ITPR2: variants seen among roughly 807,000 people sequenced by gnomAD.
The protein encoded by ITPR2 is inositol 1,4,5-trisphosphate-gated calcium channel ITPR2.
ITPR2 carries 207 observed loss-of-function variants against 317.1 expected under a neutral mutation model. The ratio of observed to expected loss-of-function variants is 0.65; its 90% confidence interval spans 0.58 to 0.73. The LOEUF is 0.73. Among genes scored for constraint, ITPR2 ranks in the 30% least tolerant of loss-of-function variants. The pLI is 0.00. For synonymous variants in ITPR2, 1,156 were observed against 1,149.1 expected, an observed-to-expected ratio of 1.01 and a Z score of -0.12; for missense variants, 2,613 against 3,284.0, an observed-to-expected ratio of 0.80 and a Z score of 4.99.
chr12:26,695,689 G>A, intron 9 of ITPR2, 39 bp from the exon 10 acceptor site: 1 of 1,369,866 alleles, frequency 7.3e-7, no homozygotes, highest in Non-Finnish European at 1.0e-6. Flanking sequence ...TCATTGCTAT[G>A]AAAAGCACAC....
chr12:26,749,527 C>A (rs748621340), intron 2 of ITPR2, among the ~76,000 whole-genome samples: 1 of 152,018 alleles, frequency 6.6e-6, no homozygotes, highest in Non-Finnish European at 1.5e-5. Context: ...ACATTGTTTT[C>A]GAGTATTGTG....
intron 1 of ITPR2, among the ~76,000 whole-genome samples, chr12:26,805,095 T>G (rs948791134): frequency 2.3e-4 from 35 of 152,286 alleles, no homozygotes; most frequent in Admixed American, 1.8e-3. Flanking sequence ...AAATAAAAAT[T>G]CGTAAAGAGA....
At chr12:26,595,735 C>A (rs1350086039) in intron 31 of ITPR2, 145 bp from the exon 32 acceptor site, 1 of 704,152 alleles carries the variant, frequency 1.4e-6, no homozygotes, top group Non-Finnish European at 2.2e-6. Flanking sequence ...ATTCTCATTT[C>A]TCTTCTTTTG....
At chr12:26,600,923 T>C (rs1369089314) in intron 28 of ITPR2, among the ~76,000 whole-genome samples, 2 of 152,136 alleles carry the variant, frequency 1.3e-5, no homozygotes, top group East Asian at 3.8e-4. Flanking sequence ...CCTATTTCTT[T>C]TTCTTTTCCT....
intron 2 of ITPR2, among the ~76,000 whole-genome samples, chr12:26,782,794 A>T (rs764434798): frequency 3.9e-5 from 6 of 152,238 alleles, no homozygotes; most frequent in Non-Finnish European, 8.8e-5. Context: ...ATCTTAGTTG[A>T]TTTCAAATCT....
intron 34 of ITPR2, among the ~76,000 whole-genome samples, chr12:26,565,533 G>C (rs1272740451): frequency 6.6e-6 from 1 of 151,930 alleles, no homozygotes; most frequent in Non-Finnish European, 1.5e-5. Context: ...TAGATAGACA[G>C]ACAGACAGAT....
At position 26,631,869 on chromosome 12, in the gene ITPR2, C is replaced by CA; in HGVS notation, c.2930dup (p.Leu977PhefsTer12). On this transcript the variant is annotated frameshift_variant, in exon 22 of 57. Coordinates refer to ENST00000381340, the MANE Select transcript of ITPR2 (RefSeq NM_002223.4). LOFTEE classifies it high-confidence loss of function. ...TAGCTTCTGTTAGGCAACACACCTG[C>CA]AAAATCTCAATGATCTTCAGCTTGG... 3 of 1,613,634 alleles carry CA rather than the reference C, an allele frequency of 1.9e-6. No homozygotes were observed. Among genetic ancestry groups the CA allele is most frequent in the Non-Finnish European group, 2.5e-6 (3 of 1,179,798 alleles).
chr12:26,428,360 C>T (rs2136703857), intron 48 of ITPR2, among the ~76,000 whole-genome samples: 1 of 152,240 alleles, frequency 6.6e-6, no homozygotes, highest in Admixed American at 6.5e-5. Flanking sequence ...GTTCATCTTT[C>T]TGTCATATGA....
intron 13 of ITPR2, among the ~76,000 whole-genome samples, chr12:26,678,826 T>A (rs1947968808): frequency 6.6e-6 from 1 of 152,202 alleles, no homozygotes; most frequent in African/African-American, 2.4e-5. Context: ...CTTGAGAGGT[T>A]AAGATAATCT....
At chr12:26,628,286 A>G in intron 22 of ITPR2, 124 bp from the exon 23 acceptor site, 1 of 636,762 alleles carries the variant, frequency 1.6e-6, no homozygotes, top group Non-Finnish European at 2.6e-6. Context: ...AGAAGCTTTT[A>G]ACACCAGTTG....
chr12:26,648,506 CTT>C (rs1238930652), intron 21 of ITPR2, among the ~76,000 whole-genome samples: 8 of 138,248 alleles, frequency 5.8e-5, no homozygotes, highest in Admixed American at 5.2e-4. Flanking sequence ...TATAAAACCA[CTT>C]TCTTTTTTTT....
chr12:26,685,550 T>G (rs1948109454), intron 11 of ITPR2, among the ~76,000 whole-genome samples: 1 of 152,186 alleles, frequency 6.6e-6, no homozygotes, highest in Admixed American at 6.5e-5. Context: ...TGAGCCATGA[T>G]TGTGCCTCTG....
At chr12:26,666,369 C>T (rs946066827) in intron 13 of ITPR2, among the ~76,000 whole-genome samples, 3 of 152,126 alleles carry the variant, frequency 2.0e-5, no homozygotes, top group African/African-American at 7.2e-5. Context: ...TCTACTTGCG[C>T]CTCCAGTTCT....
chr12:26,428,897 G>C (rs529221161), intron 48 of ITPR2, among the ~76,000 whole-genome samples: 1 of 152,226 alleles, frequency 6.6e-6, no homozygotes, highest in South Asian at 2.1e-4. Context: ...TTCTTGGGCT[G>C]ATTGGATCAG....
chr12:26,610,434 A>G (rs753987923), intron 26 of ITPR2, among the ~76,000 whole-genome samples: 12 of 152,188 alleles, frequency 7.9e-5, no homozygotes, highest in East Asian at 3.8e-4. Flanking sequence ...TCAAAAAGTA[A>G]TGAGATGTGG....
In ITPR2 at chr12:26,415,388, G is replaced by A; in HGVS notation, c.7221C>T (p.Tyr2407=). ...LTAVLALILV[Y]LFSIIGFLFL... ...AAAGGAACCCAATAATGGAAAACAGGTAGACGAGGATGAGAGCCAGGACTG... is the reference window on the plus strand; with the variant it reads ...AAAGGAACCCAATAATGGAAAACAGATAGACGAGGATGAGAGCCAGGACTG... The change falls in exon 51 of 57, where the codon TAC becomes TAT. Residue 2407 remains tyrosine, a synonymous_variant. Coordinates refer to ENST00000381340, the MANE Select transcript of ITPR2 (RefSeq NM_002223.4). 6.2e-7 allele frequency: 1 copy of A among 1,612,944 alleles called. No homozygotes were observed. Among genetic ancestry groups the A allele is most frequent in the Non-Finnish European group, 8.5e-7 (1 of 1,179,330 alleles).
At chr12:26,432,100 A>C (rs750082422) in intron 48 of ITPR2, among the ~76,000 whole-genome samples, 3 of 152,214 alleles carry the variant, frequency 2.0e-5, no homozygotes, top group Non-Finnish European at 4.4e-5. Flanking sequence ...TAACTACATG[A>C]AAATGATCAA....
rs533930055 is a variant in ITPR2 at position 26,526,509 on chromosome 12, G to C, written c.5073+23738C>G. On this transcript the variant is annotated intron_variant, in intron 37 of 56. Transcript: ENST00000381340. ...AAGATGGCCCAAGTTGTGTTGTGCA[G>C]GGTCCTACTAATTTTGGTAAGAAAT... 3.7e-4 allele frequency among the ~76,000 whole-genome samples: 56 copies of C among 152,250 alleles called. No individual in the cohort carries two copies. In the South Asian group the frequency reaches 4.8e-3, roughly 13 times the overall value.
At chr12:26,645,404 G>C (rs1365857620) in intron 21 of ITPR2, among the ~76,000 whole-genome samples, 1 of 152,250 alleles carries the variant, frequency 6.6e-6, no homozygotes, top group African/African-American at 2.4e-5. Context: ...CCCTTGACTT[G>C]AGTGTGTGAT....
Sources: allele counts gnomAD v4.1 joint callset (sites outside exome capture counted in the v4.1 genomes callset), GRCh38; gene constraint gnomAD v4.1.1; transcripts MANE v1.5; gene names NCBI Gene and HGNC (gene_info 2026-07-23, HGNC 2026-07-21).